Variants in AGR2 observed in about 807,000 individuals in gnomAD.
AGR2 encodes anterior gradient 2, protein disulphide isomerase family member.
Under a neutral mutation model 25.9 loss-of-function variants are expected in AGR2, and 27 were observed. The ratio of observed to expected loss-of-function variants is 1.04; its 90% CI spans 0.77 to 1.44. The LOEUF (loss-of-function observed/expected upper bound fraction) is 1.44. Among genes scored for constraint, AGR2 ranks in the 40% most tolerant of loss-of-function variants. AGR2 has a pLI of 0.00. For synonymous variants in AGR2, 78 were observed against 72.0 expected (o/e 1.08, Z -0.42); for missense variants, 182 against 200.9 (o/e 0.91, Z 0.57).
At chr7:16,800,608 T>C (rs995326760) in intron 4 of AGR2, among the ~76,000 whole-genome samples, 9 of 152,168 alleles carry the variant, frequency 5.9e-5, no homozygotes, top group African/African-American at 2.2e-4. Flanking sequence ...GGCTGTAGGG[T>C]GGCCAGTTAG....
chr7:16,794,814 T>C, intron 7 of AGR2, 122 bp downstream of exon 7: 2 of 1,552,376 alleles, frequency 1.3e-6, no homozygotes, highest in Non-Finnish European at 1.7e-6. Flanking sequence ...AGGGTCAAAC[T>C]GAGTCCGAGG....
At chr7:16,801,094 C>G (rs1237051691) in intron 4 of AGR2, 57 bp downstream of exon 4, 1 of 1,428,192 alleles carries the variant, frequency 7.0e-7, no homozygotes, top group Non-Finnish European at 9.8e-7. Context: ...GTGATCTGAA[C>G]CCTGGCCCTA....
rs1785126678 is a variant in AGR2 at position 16,800,677 on chromosome 7, T to C, written c.256+474A>G. ...CTGGGCTTGGACCAGGGCAGTAGCA[T>C]GGAGGCAATAGGAAGTGGTTGGATT... is the stretch of plus-strand genomic sequence containing the variant. On this transcript the variant is annotated intron_variant, in intron 4 of 7. Transcript: ENST00000419304. Among the ~76,000 whole-genome samples the C allele has an allele frequency of 3.9e-5, 6 of 152,266 alleles. No individual in the cohort carries two copies. The South Asian group carries it at 8.3e-4, about 21-fold the overall frequency.
intron 1 of AGR2, among the ~76,000 whole-genome samples, chr7:16,802,134 C>T (rs748827939): frequency 1.3e-5 from 2 of 151,958 alleles, no homozygotes; most frequent in African/African-American, 4.8e-5. Context: ...TAAGTGAGCA[C>T]AGTGCAATAA....
At position 16,797,644 on chromosome 7, in the gene AGR2, C is replaced by T; in HGVS notation, c.381G>A (p.Arg127=). Residue 127 remains arginine, a synonymous_variant, in exon 6 of 8, where the codon AGG becomes AGA. Transcript: ENST00000419304. ...HLSPDGQYVP[R]IMFVDPSLTV... is the part of the protein sequence containing the mutation. Reference sequence around the variant, plus strand: ...ACTTCCGCTTACCAACAAACATAATCCTGGGGACATACTGGCCATCAGGAG... The same window carrying T: ...ACTTCCGCTTACCAACAAACATAATTCTGGGGACATACTGGCCATCAGGAG... The T allele has an allele frequency of 1.9e-6, 3 of 1,613,956 alleles. No homozygotes were observed. Among genetic ancestry groups the T allele is most frequent in the Non-Finnish European group, 2.5e-6 (3 of 1,179,940 alleles).
At chr7:16,803,490 G>A (rs77737404) in intron 1 of AGR2, among the ~76,000 whole-genome samples, 41 of 152,218 alleles carry the variant, frequency 2.7e-4, no homozygotes, top group African/African-American at 9.9e-4. Flanking sequence ...ATCTTGAGTG[G>A]AAACCTTTGC....
chr7:16,802,204 G>A (rs1785160792), intron 1 of AGR2, among the ~76,000 whole-genome samples: 1 of 152,062 alleles, frequency 6.6e-6, no homozygotes, highest in Non-Finnish European at 1.5e-5. Context: ...TGTTGTAATT[G>A]TTCTGTTTTA....
intron 6 of AGR2, among the ~76,000 whole-genome samples, chr7:16,797,078 C>T (rs950114738): frequency 1.0e-4 from 14 of 134,890 alleles, no homozygotes; most frequent in African/African-American, 3.0e-4. Flanking sequence ...CCTGCAACCA[C>T]GCCTGGCTAA....
intron 4 of AGR2, among the ~76,000 whole-genome samples, chr7:16,800,282 G>A (rs2115358271): frequency 6.6e-6 from 1 of 152,320 alleles, no homozygotes; most frequent in Non-Finnish European, 1.5e-5. Context: ...ATCTTCCTGA[G>A]GAGCTAACGT....
chr7:16,801,248 A>T (rs780107479), intron 3 of AGR2, 45 bp from the exon 4 acceptor site: 1 of 1,608,526 alleles, frequency 6.2e-7, no homozygotes, highest in South Asian at 1.1e-5. Context: ...GTAAGATTTC[A>T]CATATATCTA....
rs574092382 is a variant in AGR2 at position 16,799,986 on chromosome 7, C to T, written c.257-169G>A. Among the ~76,000 whole-genome samples the T allele has an allele frequency of 7.9e-5, 12 of 152,322 alleles. No homozygotes were observed. The South Asian group carries it at 2.5e-3, about 32-fold the overall frequency. On this transcript the variant is annotated intron_variant, in intron 4 of 7. Coordinates refer to ENST00000419304, the MANE Select transcript of AGR2 (RefSeq NM_006408.4). ...AGTGAAGTAATATCTATGGCATTGA[C>T]TACCTCTGCTTTCTATTCACTCATT...
chr7:16,795,064 C>T, intron 6 of AGR2, 45 bp from the exon 7 acceptor site: 7 of 1,601,970 alleles, frequency 4.4e-6, no homozygotes, highest in Non-Finnish European at 6.0e-6. Flanking sequence ...GGTTTGTTTT[C>T]AAACAACCTG....
chr7:16,801,225 C>G (rs780735485), intron 3 of AGR2, 22 bp from the exon 4 acceptor site: 16 of 1,613,084 alleles, frequency 9.9e-6, no homozygotes, highest in Non-Finnish European at 1.4e-5. Context: ...AGAGATTAGA[C>G]AAATTTTAAT....
intron 1 of AGR2, among the ~76,000 whole-genome samples, chr7:16,803,748 C>T (rs1785186239): frequency 6.6e-6 from 1 of 152,138 alleles, no homozygotes; most frequent in African/African-American, 2.4e-5. Flanking sequence ...TGTAAGTCAA[C>T]AATTCTCAGC....
chr7:16,799,612 A>G, intron 5 of AGR2, 132 bp downstream of exon 5: 2 of 562,422 alleles, frequency 3.6e-6, no homozygotes, highest in Non-Finnish European at 3.1e-6. Flanking sequence ...TTTTCTCTCT[A>G]ATTTATGAGA....
chr7:16,802,529 A>G (rs1294755472), intron 1 of AGR2, among the ~76,000 whole-genome samples: 4 of 152,242 alleles, frequency 2.6e-5, no homozygotes, highest in African/African-American at 9.6e-5. Flanking sequence ...AGTAATTTTT[A>G]TGAATACTCT....
chr7:16,804,990 G>A lies in AGR2; in HGVS notation c.-63C>T, dbSNP rs1785210491. On this transcript the variant is annotated 5_prime_UTR_variant, in exon 1 of 8. Coordinates refer to ENST00000419304, the MANE Select transcript of AGR2 (RefSeq NM_006408.4). ...AGTCGGCGGCTAGGATGCGGTCCAAGCTTCTGAGTGTGCCAGCACAGCTGA... is the reference window on the plus strand; with the variant it reads ...AGTCGGCGGCTAGGATGCGGTCCAAACTTCTGAGTGTGCCAGCACAGCTGA... 2 of 152,350 alleles carry A rather than the reference G, an allele frequency of 1.3e-5. No homozygotes were observed. Among genetic ancestry groups the A allele is most frequent in the South Asian group, 4.2e-4 (2 of 4,816 alleles). The allele number at this position is 152,350 out of a possible 1,614,324, so 9.4% of individuals were successfully genotyped here.
chr7:16,801,262 G>T, intron 3 of AGR2, 58 bp downstream of exon 3: 1 of 1,606,192 alleles, frequency 6.2e-7, no homozygotes, highest in South Asian at 1.1e-5. Context: ...ATATCTAGAT[G>T]TCACTAGGTG....
chr7:16,801,905 C>G, intron 1 of AGR2, 102 bp from the exon 2 acceptor site: 1 of 976,788 alleles, frequency 1.0e-6, no homozygotes. Flanking sequence ...GAAACTGAGG[C>G]TCTGCTGAGA....
Sources: gnomAD v4.1 joint callset for allele counts (sites outside exome capture counted in the v4.1 genomes callset) on GRCh38, gnomAD v4.1.1 for gene constraint, MANE v1.5 for transcripts, NCBI Gene and HGNC (gene_info 2026-07-23, HGNC 2026-07-21) for gene names.